The following CDK19 variants were observed in gnomAD, a reference collection of about 807,000 sequenced individuals.
CDK19 encodes cyclin dependent kinase 19, also known as cyclin-dependent kinase 19.
Under a neutral mutation model 68.3 loss-of-function variants are expected in CDK19, and 20 were observed. The ratio of observed to expected loss-of-function variants is 0.29; its 90% confidence interval spans 0.21 to 0.43. CDK19 has a LOEUF of 0.43. Among genes scored for constraint, CDK19 ranks in the 20% least tolerant of loss-of-function variants. The pLI, the probability that CDK19 is intolerant of heterozygous loss-of-function variation, is 1.00. For missense variants in CDK19, 339 were observed against 623.5 expected (o/e 0.54, Z 4.86); for synonymous variants, 221 against 222.8 (o/e 0.99, Z 0.07).
At position 110,809,673 on chromosome 6, in the gene CDK19, TAAGA is replaced by T. The variant is rs375822757; in HGVS notation, c.128+5332_128+5335del. On this transcript the variant is annotated intron_variant, in intron 1 of 12. Coordinates refer to ENST00000368911, the MANE Select transcript of CDK19 (RefSeq NM_015076.5). ...AGCAATTACTAAAAACTTCGTTTTT[TAAGA>T]AAAGTAAATAAACTTGCGTTTTTAA... is the stretch of plus-strand genomic sequence containing the variant. Among the ~76,000 whole-genome samples the T allele has an allele frequency of 7.8e-3, 1,196 of 152,364 alleles. 21 individuals carry two copies. The highest frequency in any genetic ancestry group is 0.028 in the African/African-American group (1,144 of 41,584).
intron 1 of CDK19, among the ~76,000 whole-genome samples, chr6:110,786,254 C>G (rs555979144): frequency 6.6e-6 from 1 of 152,114 alleles, no homozygotes; most frequent in Non-Finnish European, 1.5e-5. Flanking sequence ...GGTACTGGTT[C>G]GGAAGCACTC....
At chr6:110,704,918 A>C (rs536571290) in intron 2 of CDK19, among the ~76,000 whole-genome samples, 8 of 152,160 alleles carry the variant, frequency 5.3e-5, no homozygotes, top group Non-Finnish European at 2.9e-5. Flanking sequence ...AGAAAGAGTG[A>C]ATAGGATTTA....
intron 2 of CDK19, among the ~76,000 whole-genome samples, chr6:110,734,535 CT>C (rs1222158385): frequency 6.8e-6 from 1 of 147,830 alleles, no homozygotes; most frequent in East Asian, 2.0e-4. Context: ...CTCTCTCTCT[CT>C]CTCTCTCTCT....
chr6:110,786,831 T>C (rs143928534), intron 1 of CDK19, among the ~76,000 whole-genome samples: 1 of 152,236 alleles, frequency 6.6e-6, no homozygotes, highest in Non-Finnish European at 1.5e-5. Context: ...GGGTTCTCAT[T>C]GTCCAGACTT....
chr6:110,688,897 T>G (rs1277579162), intron 2 of CDK19, among the ~76,000 whole-genome samples: 1 of 152,134 alleles, frequency 6.6e-6, no homozygotes, highest in Admixed American at 6.5e-5. Flanking sequence ...TGGCCAGAAC[T>G]AGGCGACGAG....
chr6:110,661,242 C>G (rs1480911523), intron 4 of CDK19, among the ~76,000 whole-genome samples: 1 of 152,216 alleles, frequency 6.6e-6, no homozygotes, highest in African/African-American at 2.4e-5. Context: ...AAGCAATACA[C>G]ATTCAGTAAG....
At chr6:110,651,007 A>C (rs1780927924) in intron 4 of CDK19, among the ~76,000 whole-genome samples, 1 of 152,154 alleles carries the variant, frequency 6.6e-6, no homozygotes, top group Admixed American at 6.5e-5. Flanking sequence ...AACTTGGGTG[A>C]GCGAGCAGAC....
At chr6:110,665,496 G>A (rs1167221011) in intron 4 of CDK19, among the ~76,000 whole-genome samples, 2 of 152,142 alleles carry the variant, frequency 1.3e-5, no homozygotes. Context: ...GGACATTCAG[G>A]TGACAATATC....
At chr6:110,638,600 G>T in intron 5 of CDK19, 49 bp downstream of exon 5, 2 of 891,642 alleles carry the variant, frequency 2.2e-6, no homozygotes, top group Non-Finnish European at 3.8e-6. Context: ...AACCATCTTT[G>T]CAGTTAACTT....
intron 12 of CDK19, among the ~76,000 whole-genome samples, chr6:110,619,827 T>C (rs1188886666): frequency 6.6e-6 from 1 of 152,106 alleles, no homozygotes; most frequent in Non-Finnish European, 1.5e-5. Context: ...CCTGTTGCAG[T>C]GGTCCCTTTA....
chr6:110,619,756 C>T (rs1333624779), intron 12 of CDK19, among the ~76,000 whole-genome samples: 1 of 152,012 alleles, frequency 6.6e-6, no homozygotes, highest in Non-Finnish European at 1.5e-5. Context: ...TTTGGCTATA[C>T]CTCTCCACTT....
chr6:110,631,833 G>A (rs1582723053), intron 6 of CDK19, among the ~76,000 whole-genome samples, 197 bp downstream of exon 6: 1 of 152,254 alleles, frequency 6.6e-6, no homozygotes, highest in East Asian at 1.9e-4. Flanking sequence ...GAAAGAAAAT[G>A]TTTTCTTCTT....
At chr6:110,692,654 T>C (rs531585995) in intron 2 of CDK19, among the ~76,000 whole-genome samples, 10 of 152,304 alleles carry the variant, frequency 6.6e-5, no homozygotes, top group African/African-American at 7.2e-5. Flanking sequence ...GGAAAATTCA[T>C]TGCAAAAAGG....
At chr6:110,776,699 G>C (rs538894859) in intron 1 of CDK19, among the ~76,000 whole-genome samples, 1 of 152,302 alleles carries the variant, frequency 6.6e-6, no homozygotes, top group East Asian at 1.9e-4. Flanking sequence ...CTCTAAAGCA[G>C]TGCTTGTGAC....
intron 1 of CDK19, among the ~76,000 whole-genome samples, chr6:110,806,294 C>T (rs1218511219): frequency 1.3e-5 from 2 of 150,872 alleles, no homozygotes; most frequent in Admixed American, 6.6e-5. Context: ...GAGCCAAGAT[C>T]GTGCCATCAC....
Position 110,621,395 on chromosome 6 carries a change from T to C in CDK19, c.1111-25A>G, listed in dbSNP as rs763044749. On this transcript the variant is annotated intron_variant, in intron 11 of 12. Transcript: ENST00000368911. This position sits in a 1 kb window ranked among gnomAD's most constrained non-coding sequence, Gnocchi z 5.4. ...TCTTTTAAGGGGAAAAAAGCAAGCT[T>C]GGTATGAAACCAAATTAACAGGAGC... 5 of 1,521,452 alleles carry C rather than the reference T, an allele frequency of 3.3e-6. No individual in the cohort carries two copies. Among genetic ancestry groups the C allele is most frequent in the Non-Finnish European group, 4.4e-6 (5 of 1,137,298 alleles). The allele number at this position is 1,521,452 out of a possible 1,614,324, so 94.2% of individuals were successfully genotyped here. A position where few individuals can be genotyped will look rare whatever the true frequency, so the allele number is the denominator to read the frequency against.
chr6:110,687,349 A>C (rs768065235), intron 2 of CDK19, among the ~76,000 whole-genome samples: 4 of 152,216 alleles, frequency 2.6e-5, no homozygotes, highest in African/African-American at 4.8e-5. Context: ...TACCAGTACC[A>C]ATGATTCAAT....
intron 2 of CDK19, among the ~76,000 whole-genome samples, chr6:110,695,876 AG>A (rs1773435880): frequency 6.6e-6 from 1 of 152,156 alleles, no homozygotes; most frequent in Admixed American, 6.5e-5. Context: ...CAACAAAAAA[AG>A]TCCAGGACCA....
intron 4 of CDK19, among the ~76,000 whole-genome samples, chr6:110,662,253 A>T (rs985771440): frequency 3.3e-5 from 5 of 152,146 alleles, no homozygotes; most frequent in Non-Finnish European, 7.4e-5. Flanking sequence ...TACATGCATG[A>T]GCCACCACAC....
Sources: allele counts gnomAD v4.1 joint callset (sites outside exome capture counted in the v4.1 genomes callset), GRCh38; gene constraint gnomAD v4.1.1; non-coding constraint Gnocchi (gnomAD v3.1); transcripts MANE v1.5; gene names NCBI Gene and HGNC (gene_info 2026-07-23, HGNC 2026-07-21).